Variants in ARHGAP12 observed in about 807,000 individuals in gnomAD.
The protein encoded by ARHGAP12 is Rho GTPase activating protein 12, also known as rho GTPase-activating protein 12.
Under a neutral mutation model 108.6 loss-of-function variants are expected in ARHGAP12, and 64 were observed. The observed-to-expected ratio is 0.59, with a 90% CI of 0.48 to 0.73. ARHGAP12 has a LOEUF of 0.73. Ranked by LOEUF, ARHGAP12 falls within the 30% of genes least tolerant of loss-of-function variation. The probability of loss-of-function intolerance (pLI) is 0.00; values close to 1 mark genes in which losing one functional copy is unlikely to be tolerated. For synonymous variants in ARHGAP12, 312 were observed against 337.2 expected (o/e 0.93, Z 0.82); for missense variants, 940 against 1,005.9 (o/e 0.93, Z 0.89).
chr10:31,832,025 A>C (rs1472738791), intron 9 of ARHGAP12, among the ~76,000 whole-genome samples: 3 of 152,136 alleles, frequency 2.0e-5, no homozygotes, highest in Non-Finnish European at 2.9e-5. Context: ...TTTCTCCTTA[A>C]GTCACAGCAG....
At chr10:31,926,010 A>T (rs578210803) in intron 1 of ARHGAP12, among the ~76,000 whole-genome samples, 98 of 150,770 alleles carry the variant, frequency 6.5e-4, no homozygotes, top group Non-Finnish European at 1.1e-3. Context: ...TAGAAACTTT[A>T]AGCACAAGTA....
intron 3 of ARHGAP12, among the ~76,000 whole-genome samples, chr10:31,900,333 C>T (rs1446108313): frequency 6.6e-6 from 1 of 152,180 alleles, no homozygotes; most frequent in African/African-American, 2.4e-5. Context: ...TCATACCATA[C>T]TAAACAGAGT....
intron 1 of ARHGAP12, among the ~76,000 whole-genome samples, chr10:31,927,623 C>T (rs570276506): frequency 6.6e-6 from 1 of 152,204 alleles, no homozygotes; most frequent in African/African-American, 2.4e-5. Flanking sequence ...CTAAAAGCCT[C>T]TATCCACAAC....
chr10:31,891,187 A>T (rs2132401006), intron 3 of ARHGAP12, among the ~76,000 whole-genome samples: 1 of 152,300 alleles, frequency 6.6e-6, no homozygotes, highest in African/African-American at 2.4e-5. Context: ...AATTTTCCAA[A>T]TCAATGTAAG....
intron 4 of ARHGAP12, among the ~76,000 whole-genome samples, chr10:31,860,621 A>G (rs1016176151): frequency 1.3e-5 from 2 of 152,258 alleles, no homozygotes; most frequent in African/African-American, 4.8e-5. Flanking sequence ...TAGCAAAGGA[A>G]TTATAATTAT....
chr10:31,870,236 T>C (rs1481548826), intron 3 of ARHGAP12, among the ~76,000 whole-genome samples: 1 of 151,692 alleles, frequency 6.6e-6, no homozygotes, highest in Non-Finnish European at 1.5e-5. Flanking sequence ...CTGTCTTTTT[T>C]TTTTTTTTTT....
chr10:31,903,414 T>C (rs1424701184), intron 3 of ARHGAP12, among the ~76,000 whole-genome samples: 2 of 152,174 alleles, frequency 1.3e-5, no homozygotes, highest in African/African-American at 4.8e-5. Context: ...CATGACTGTA[T>C]ACACACACAC....
rs779279907 is a variant in ARHGAP12, at chr10:31,809,070, G to C, written c.2187C>G (p.Ala729=). The C allele has an allele frequency of 4.3e-6, 7 of 1,612,266 alleles. No individual in the cohort carries two copies. In the East Asian group the frequency reaches 1.6e-4, roughly 36 times the overall value. ...GTAATTCTCGAAAAAACATTTTGAG[G>C]GCTCCAGTAATGACATGAATATCTT... is the stretch of plus-strand genomic sequence containing the variant. ...KWEDIHVITG[A]LKMFFRELPE... Residue 729 remains alanine, a synonymous_variant, in exon 18 of 20, where the codon GCC becomes GCG. Coordinates refer to ENST00000344936, the MANE Select transcript of ARHGAP12 (RefSeq NM_018287.7).
At chr10:31,819,739 A>G (rs932859887) in intron 12 of ARHGAP12, among the ~76,000 whole-genome samples, 3 of 152,176 alleles carry the variant, frequency 2.0e-5, no homozygotes, top group Non-Finnish European at 2.9e-5. Context: ...GAGACCATCC[A>G]GTTCCAATCA....
intron 3 of ARHGAP12, among the ~76,000 whole-genome samples, chr10:31,906,057 C>T (rs1839121640): frequency 6.6e-6 from 1 of 152,070 alleles, no homozygotes; most frequent in Non-Finnish European, 1.5e-5. Context: ...AAGGACAATG[C>T]AGTGTCTACC....
chr10:31,827,588 G>A (rs991448853), intron 10 of ARHGAP12, among the ~76,000 whole-genome samples: 3 of 152,026 alleles, frequency 2.0e-5, no homozygotes, highest in African/African-American at 4.8e-5. Context: ...TCAGGAGATC[G>A]AGACCATCCT....
At position 31,893,461 on chromosome 10, in the gene ARHGAP12, T is replaced by C. The variant is rs966636386; in HGVS notation, c.684+14711A>G. Among the ~76,000 whole-genome samples the C allele has an allele frequency of 7.9e-5, 12 of 152,238 alleles. No individual in the cohort carries two copies. In the South Asian group the frequency reaches 1.0e-3, roughly 13 times the overall value. On this transcript the variant is annotated intron_variant, in intron 3 of 19. Transcript: ENST00000344936. ...TACAAACTACCATCAGAGAATACTA[T>C]AAACACCTCTATGCAAATAAACTAG... is the stretch of plus-strand genomic sequence containing the variant.
intron 9 of ARHGAP12, 124 bp from the exon 10 acceptor site, chr10:31,831,924 G>A (rs1835849684): frequency 2.0e-6 from 1 of 488,366 alleles, no homozygotes; most frequent in Non-Finnish European, 3.6e-6. Context: ...ATTAGTCAAT[G>A]TGTAACATGC....
chr10:31,820,359 G>C (rs748594454), intron 12 of ARHGAP12, 28 bp downstream of exon 12: 2 of 1,536,066 alleles, frequency 1.3e-6, no homozygotes, highest in South Asian at 2.4e-5. Context: ...AGTTTAGAAT[G>C]TGTTATACTT....
chr10:31,907,917 A>G (rs1418467746), intron 3 of ARHGAP12, among the ~76,000 whole-genome samples: 1 of 152,196 alleles, frequency 6.6e-6, no homozygotes, highest in Non-Finnish European at 1.5e-5. Flanking sequence ...GAGAAAAGGG[A>G]AAAAAAGTTT....
chr10:31,819,955 TA>T (rs34560315), intron 12 of ARHGAP12, among the ~76,000 whole-genome samples: 31,317 of 145,032 alleles, frequency 0.22, 3,434 homozygotes, highest in East Asian at 0.39. Context: ...TGGAAAGGTT[TA>T]AAAAAAAAAA....
chr10:31,885,030 G>GTAAA (rs2132380494), intron 3 of ARHGAP12, among the ~76,000 whole-genome samples: 1 of 152,148 alleles, frequency 6.6e-6, no homozygotes, highest in Admixed American at 6.5e-5. Flanking sequence ...GGTGTACAAT[G>GTAAA]TAAAATAAGC....
chr10:31,861,732 G>T, intron 3 of ARHGAP12, 74 bp from the exon 4 acceptor site: 1 of 1,414,260 alleles, frequency 7.1e-7, no homozygotes. Flanking sequence ...TGAAACAGGA[G>T]ATTTATAAAC....
intron 6 of ARHGAP12, 126 bp downstream of exon 6, chr10:31,852,391 T>A (rs916432735): frequency 1.4e-5 from 11 of 813,400 alleles, no homozygotes; most frequent in Non-Finnish European, 2.3e-5. Flanking sequence ...TCACAGTGAA[T>A]TCTGAAAAAA....
Sources: allele counts gnomAD v4.1 joint callset (sites outside exome capture counted in the v4.1 genomes callset), GRCh38; gene constraint gnomAD v4.1.1; transcripts MANE v1.5; gene names NCBI Gene and HGNC (gene_info 2026-07-23, HGNC 2026-07-21).